The following KIF2A variants were observed in gnomAD, a reference collection of about 807,000 sequenced individuals.
KIF2A encodes kinesin family member 2A, also known as kinesin-like protein KIF2A.
KIF2A carries 22 observed loss-of-function variants against 100.2 expected under a neutral mutation model. That is an observed-to-expected ratio of 0.22 (90% CI 0.16 to 0.31). The LOEUF (loss-of-function observed/expected upper bound fraction) is 0.31, where lower values mean the gene tolerates loss of function less well. Ranked by LOEUF, KIF2A falls within the 10% of genes least tolerant of loss-of-function variation. KIF2A has a pLI of 1.00. For missense variants in KIF2A, 495 were observed against 898.7 expected, an observed-to-expected ratio of 0.55 and a Z score of 5.74; for synonymous variants, 268 against 285.9, an observed-to-expected ratio of 0.94 and a Z score of 0.63.
chr5:62,310,308 C>A (rs1734812691), intron 1 of KIF2A, among the ~76,000 whole-genome samples: 1 of 152,092 alleles, frequency 6.6e-6, no homozygotes, highest in Non-Finnish European at 1.5e-5. Context: ...CCCACCTCAG[C>A]CTCCCAAAGT....
rs138970333 is a variant in KIF2A, at chr5:62,390,719, C to T, written c.*5150C>T. On this transcript the variant is annotated 3_prime_UTR_variant, in exon 21 of 21. Transcript: ENST00000407818. Reference sequence around the variant, plus strand: ...TCATTCTGCTGCAGCTAACTAGCCTCCATCTTCTACACCAAATACTATTCC... The same window carrying T: ...TCATTCTGCTGCAGCTAACTAGCCTTCATCTTCTACACCAAATACTATTCC... Among the ~76,000 whole-genome samples the T allele has an allele frequency of 5.9e-5, 9 of 152,268 alleles. No individual in the cohort carries two copies. The East Asian group carries it at 1.3e-3, about 23-fold the overall frequency.
Position 62,362,452 on chromosome 5 carries a change from C to A in KIF2A, c.1030C>A (p.Arg344=). 7.1e-7 allele frequency: 1 copy of A among 1,414,440 alleles called. No homozygotes were observed. The highest frequency in any genetic ancestry group is 9.3e-7 in the Non-Finnish European group (1 of 1,079,384). 87.6% of individuals were successfully genotyped at this position (1,414,440 alleles called of 1,614,324 possible). A position where few individuals can be genotyped will look rare whatever the true frequency, so the allele number is the denominator to read the frequency against. The part of the protein sequence containing the change: ...CSKGIYALAA[R]DVFLMLKKPN... ...TCTGTATATGAAATTTTTGACAGCT[C>A]GAGATGTCTTTTTAATGCTAAAGAA... Residue 344 remains arginine, a splice_region_variant and synonymous_variant, in exon 12 of 21, where the codon CGA becomes AGA. Coordinates refer to ENST00000407818, the MANE Select transcript of KIF2A (RefSeq NM_001098511.3).
intron 1 of KIF2A, among the ~76,000 whole-genome samples, chr5:62,323,424 G>A (rs62374961): frequency 0.24 from 36,453 of 151,566 alleles, 4,456 homozygotes; most frequent in Middle Eastern, 0.32. Context: ...TTGGGAGGCT[G>A]AGGCAGGAGA....
At position 62,306,360 on chromosome 5, in the gene KIF2A, C is replaced by A; in HGVS notation, c.-113C>A. The A allele has an allele frequency of 4.7e-6, 4 of 851,348 alleles. No individual in the cohort carries two copies. Among genetic ancestry groups the A allele is most frequent in the Non-Finnish European group, 7.5e-6 (4 of 536,898 alleles). The allele number at this position is 851,348 out of a possible 1,614,324, so 52.7% of individuals were successfully genotyped here. On this transcript the variant is annotated 5_prime_UTR_variant, in exon 1 of 21. Transcript: ENST00000407818. ...CTTGCGTTCACGCTGTCGCCCGGGC[C>A]GGCGCGGCCGCGGGCAACCGCTCCC... is the stretch of plus-strand genomic sequence containing the variant.
intron 1 of KIF2A, among the ~76,000 whole-genome samples, chr5:62,337,669 C>A (rs1447008966): frequency 1.3e-5 from 2 of 151,892 alleles, no homozygotes; most frequent in Non-Finnish European, 2.9e-5. Context: ...CCTGTCTCTA[C>A]AAAAAATTTG....
chr5:62,379,275 T>C (rs1278861319), intron 19 of KIF2A, among the ~76,000 whole-genome samples: 3 of 152,214 alleles, frequency 2.0e-5, no homozygotes, highest in East Asian at 1.9e-4. Flanking sequence ...TACAATTCTC[T>C]ATATCATTCC....
At chr5:62,320,447 T>A (rs774118251) in intron 1 of KIF2A, among the ~76,000 whole-genome samples, 1 of 152,222 alleles carries the variant, frequency 6.6e-6, no homozygotes, top group African/African-American at 2.4e-5. Context: ...TCCATAGATA[T>A]GAATTTACCT....
chr5:62,309,714 C>T (rs1579991692), intron 1 of KIF2A, among the ~76,000 whole-genome samples: 1 of 152,136 alleles, frequency 6.6e-6, no homozygotes, highest in Non-Finnish European at 1.5e-5. Flanking sequence ...TTGCTGATGG[C>T]GATCCATGTC....
chr5:62,355,383 A>C, intron 7 of KIF2A, 129 bp downstream of exon 7: 1 of 570,018 alleles, frequency 1.8e-6, no homozygotes, highest in East Asian at 2.9e-5. Flanking sequence ...CTCATTCCCC[A>C]TATTTTAAGA....
At position 62,376,395 on chromosome 5, in the gene KIF2A, G is replaced by A. The variant is rs535462403; in HGVS notation, c.1912-1266G>A. ...GCATCTAAGACACGCTCTAGAGATCGGAGAAGTTTTTTTTGTTTGTTTGTT... is the reference window on the plus strand; with the variant it reads ...GCATCTAAGACACGCTCTAGAGATCAGAGAAGTTTTTTTTGTTTGTTTGTT... On this transcript the variant is annotated intron_variant, in intron 18 of 20. Coordinates refer to ENST00000407818, the MANE Select transcript of KIF2A (RefSeq NM_001098511.3). 3.7e-4 allele frequency among the ~76,000 whole-genome samples: 55 copies of A among 148,446 alleles called. No individual in the cohort carries two copies. The South Asian group carries it at 4.1e-3, about 11-fold the overall frequency.
At chr5:62,366,553 C>A in intron 16 of KIF2A, 72 bp downstream of exon 16, 1 of 937,850 alleles carries the variant, frequency 1.1e-6, no homozygotes, top group Non-Finnish European at 1.7e-6. Flanking sequence ...TAATATCTGC[C>A]TCGTGCGGTG....
intron 1 of KIF2A, among the ~76,000 whole-genome samples, chr5:62,323,465 A>C (rs949870952): frequency 6.6e-6 from 1 of 150,650 alleles, no homozygotes; most frequent in South Asian, 2.1e-4. Context: ...GGAGCTTGCA[A>C]TGAGCTGAGA....
At chr5:62,334,265 G>C (rs1245145795) in intron 1 of KIF2A, among the ~76,000 whole-genome samples, 1 of 151,910 alleles carries the variant, frequency 6.6e-6, no homozygotes, top group Non-Finnish European at 1.5e-5. Context: ...ATTAGTGAGG[G>C]CCTGAGCCTG....
At chr5:62,345,027 C>T (rs550903660) in intron 1 of KIF2A, among the ~76,000 whole-genome samples, 2 of 152,282 alleles carry the variant, frequency 1.3e-5, no homozygotes, top group African/African-American at 4.8e-5. Context: ...GGGCAGATCG[C>T]CTGAGGCCAG....
intron 2 of KIF2A, 116 bp from the exon 3 acceptor site, chr5:62,347,928 TACTG>T: frequency 9.3e-7 from 1 of 1,071,998 alleles, no homozygotes; most frequent in East Asian, 2.7e-5. Context: ...CCAGCCGAGT[TACTG>T]TATTCATTAG....
intron 1 of KIF2A, among the ~76,000 whole-genome samples, chr5:62,311,496 A>G (rs1745550797): frequency 6.6e-6 from 1 of 152,208 alleles, no homozygotes; most frequent in Non-Finnish European, 1.5e-5. Flanking sequence ...TGAAGATTTC[A>G]AAGGACCCAT....
chr5:62,312,869 T>C (rs889038141), intron 1 of KIF2A, among the ~76,000 whole-genome samples: 1 of 152,032 alleles, frequency 6.6e-6, no homozygotes, highest in African/African-American at 2.4e-5. Flanking sequence ...AGCCTATGAG[T>C]TTGAGGTTAT....
chr5:62,353,909 A>G lies in KIF2A; in HGVS notation c.558+534A>G, dbSNP rs114312747. 5.3e-3 allele frequency among the ~76,000 whole-genome samples: 799 copies of G among 152,158 alleles called. 9 individuals are homozygous for G. Among genetic ancestry groups the G allele is most frequent in the African/African-American group, 0.018 (752 of 41,490 alleles). ...TGTTTAATAGCAGTGGGAAAATTGC[A>G]TAGAAAACTGGTCTTTTACTCTTCT... On this transcript the variant is annotated intron_variant, in intron 6 of 20. Coordinates refer to ENST00000407818, the MANE Select transcript of KIF2A (RefSeq NM_001098511.3).
Position 62,388,981 on chromosome 5 carries a change from G to T in KIF2A, c.*3412G>T. ...AAATACAAAATTCATTTCTTTTCTT[G>T]ACCTTGAAAATTTCTGTTTTCCAAA... On this transcript the variant is annotated 3_prime_UTR_variant, in exon 21 of 21. Transcript: ENST00000407818. 2 of 1,591,286 alleles carry T rather than the reference G, an allele frequency of 1.3e-6. No homozygotes were observed. Among genetic ancestry groups the T allele is most frequent in the South Asian group, 1.1e-5 (1 of 89,422 alleles).
Sources: gnomAD v4.1 joint callset for allele counts (sites outside exome capture counted in the v4.1 genomes callset) on GRCh38, gnomAD v4.1.1 for gene constraint, MANE v1.5 for transcripts, NCBI Gene and HGNC (gene_info 2026-07-23, HGNC 2026-07-21) for gene names.